Variants in FSHR observed in about 807,000 individuals in gnomAD.
FSHR encodes the protein follicle stimulating hormone receptor.
Under a neutral mutation model 52.1 loss-of-function variants are expected in FSHR, and 46 were observed. That is an observed-to-expected ratio of 0.88 (90% confidence interval 0.70 to 1.13). The LOEUF is 1.13. FSHR is among the 50% of genes most tolerant of loss of function. FSHR has a pLI of 0.00. For missense variants in FSHR, 964 were observed against 834.6 expected (o/e 1.16, Z -1.91); for synonymous variants, 399 against 309.6 (o/e 1.29, Z -3.03).
intron 4 of FSHR, among the ~76,000 whole-genome samples, chr2:49,010,953 A>G (rs1370491805): frequency 2.0e-5 from 3 of 151,526 alleles, no homozygotes; most frequent in South Asian, 4.2e-4. Context: ...TGGTCTATCA[A>G]TTTTGTTGAT....
intron 1 of FSHR, among the ~76,000 whole-genome samples, chr2:49,127,610 C>A (rs919341816): frequency 1.3e-5 from 2 of 151,958 alleles, no homozygotes; most frequent in Non-Finnish European, 2.9e-5. Context: ...GGTCTACTGA[C>A]ATCCGCACGA....
intron 4 of FSHR, among the ~76,000 whole-genome samples, chr2:49,010,626 T>C (rs1437184729): frequency 6.6e-6 from 1 of 151,142 alleles, no homozygotes; most frequent in Admixed American, 6.6e-5. Context: ...CTTGTACCTC[T>C]GGTAGAATTC....
intron 4 of FSHR, among the ~76,000 whole-genome samples, chr2:48,998,118 A>G (rs545736449): frequency 1.3e-5 from 2 of 152,238 alleles, no homozygotes; most frequent in South Asian, 4.1e-4. Flanking sequence ...TAAATTAAAG[A>G]TGACTTATAC....
intron 1 of FSHR, among the ~76,000 whole-genome samples, chr2:49,098,564 A>T (rs1670910393): frequency 6.6e-6 from 1 of 151,820 alleles, no homozygotes; most frequent in African/African-American, 2.4e-5. Flanking sequence ...AAAGATAGGT[A>T]CCAGATTTTG....
intron 1 of FSHR, among the ~76,000 whole-genome samples, chr2:49,135,689 C>T (rs911576448): frequency 3.3e-5 from 5 of 152,078 alleles, no homozygotes. Context: ...ACTTCGAATC[C>T]TCTAAAACTT....
At chr2:49,005,973 A>T (rs1243580753) in intron 4 of FSHR, among the ~76,000 whole-genome samples, 1 of 152,110 alleles carries the variant, frequency 6.6e-6, no homozygotes, top group Non-Finnish European at 1.5e-5. Flanking sequence ...CAGACTATAA[A>T]GCAGGCAGAA....
intron 2 of FSHR, among the ~76,000 whole-genome samples, chr2:49,049,073 A>T (rs953353955): frequency 6.6e-6 from 1 of 152,196 alleles, no homozygotes. Flanking sequence ...TATTAAAAAA[A>T]AAAGCTAGAA....
intron 3 of FSHR, 25 bp from the exon 4 acceptor site, chr2:49,017,588 AGTGATCTTGAT>A: frequency 6.5e-7 from 1 of 1,539,408 alleles, no homozygotes; most frequent in Non-Finnish European, 9.0e-7. Flanking sequence ...AAAACATGCT[AGTGATCTTGAT>A]GGTAAGGAAT....
intron 1 of FSHR, among the ~76,000 whole-genome samples, chr2:49,135,881 A>G (rs953557607): frequency 6.6e-6 from 1 of 152,184 alleles, no homozygotes; most frequent in Non-Finnish European, 1.5e-5. Context: ...ATGGATCATC[A>G]TAAAGGTCTT....
At chr2:49,012,621 TCTC>T (rs1667314404) in intron 4 of FSHR, among the ~76,000 whole-genome samples, 1 of 152,228 alleles carries the variant, frequency 6.6e-6, no homozygotes, top group South Asian at 2.1e-4. Context: ...CCCCTTGTAA[TCTC>T]CTGCTTCAGT....
intron 1 of FSHR, among the ~76,000 whole-genome samples, chr2:49,148,575 T>C (rs955412234): frequency 1.3e-5 from 2 of 151,850 alleles, no homozygotes; most frequent in African/African-American, 4.8e-5. Flanking sequence ...GTTGAGGAAA[T>C]AAGACACACA....
At chr2:49,108,061 T>A (rs1453356783) in intron 1 of FSHR, among the ~76,000 whole-genome samples, 1 of 152,102 alleles carries the variant, frequency 6.6e-6, no homozygotes, top group African/African-American at 2.4e-5. Context: ...TAGATTGCCT[T>A]CTCTAACGTG....
Position 48,985,697 on chromosome 2 carries a change from G to GTTTTT in FSHR, c.525-2536_525-2532dup, listed in dbSNP as rs70946839. 3.1e-4 allele frequency among the ~76,000 whole-genome samples: 31 copies of GTTTTT among 99,576 alleles called. 9 individuals carry two copies. The highest frequency in any genetic ancestry group is 1.0e-3 in the South Asian group (3 of 2,874). 65.3% of individuals were successfully genotyped at this position (99,576 alleles called of 152,430 possible). A position where few individuals can be genotyped will look rare whatever the true frequency, so the allele number is the denominator to read the frequency against. On this transcript the variant is annotated intron_variant, in intron 6 of 9. Coordinates refer to ENST00000406846, the MANE Select transcript of FSHR (RefSeq NM_000145.4). ...TTCAGTTTCAGGGGAGCAAGTACAG[G>GTTTTT]TTTTTTTTTTTTTTTTTTTTTTTTT...
intron 4 of FSHR, among the ~76,000 whole-genome samples, chr2:49,013,099 C>G (rs1431699671): frequency 1.3e-5 from 2 of 151,376 alleles, no homozygotes; most frequent in Non-Finnish European, 2.9e-5. Context: ...CTCTCTCTCC[C>G]TCTCTCTCTC....
intron 4 of FSHR, among the ~76,000 whole-genome samples, chr2:48,996,583 T>C (rs1339585756): frequency 6.6e-6 from 1 of 152,144 alleles, no homozygotes; most frequent in Non-Finnish European, 1.5e-5. Context: ...CATATATTTT[T>C]GGCCATTTTA....
At chr2:48,972,695 T>A (rs1171226269) in intron 8 of FSHR, among the ~76,000 whole-genome samples, 1 of 152,170 alleles carries the variant, frequency 6.6e-6, no homozygotes, top group East Asian at 1.9e-4. Context: ...CTATAACAAT[T>A]CAGGACTCCC....
chr2:48,963,326 C>T lies in FSHR; in HGVS notation c.1495G>A (p.Ala499Thr), dbSNP rs1490947870. The change falls in exon 10 of 10, where the codon GCA (alanine) becomes ACA (threonine). Residue 499 changes from alanine (A) to threonine (T), a missense_variant. Transcript: ENST00000406846. ...CCAAAGATGGGAAAGAGGGCAGCTG[C>T]AAAAGCAAAAATCCAGCCCATCACC... ...VMVMGWIFAF[A>T]AALFPIFGIS... is the part of the protein sequence containing the mutation. 1 of 1,613,958 alleles carries T rather than the reference C, an allele frequency of 6.2e-7. No homozygotes were observed. Among genetic ancestry groups the T allele is most frequent in the Non-Finnish European group, 8.5e-7 (1 of 1,179,958 alleles).
At chr2:48,976,362 T>C (rs1409560090) in intron 8 of FSHR, among the ~76,000 whole-genome samples, 1 of 152,210 alleles carries the variant, frequency 6.6e-6, no homozygotes, top group African/African-American at 2.4e-5. Context: ...GATAAGCTTT[T>C]TGATGTGCTG....
Position 49,095,030 on chromosome 2 carries a change from A to G in FSHR, c.153-26740T>C, listed in dbSNP as rs183466103. ...GTAGTATTGTATGCCAACAAACTAG[A>G]TAACCTAGATGAAATGGACAAATTC... On this transcript the variant is annotated intron_variant, in intron 1 of 9. Transcript: ENST00000406846. Among the ~76,000 whole-genome samples the G allele has an allele frequency of 6.6e-4, 100 of 152,256 alleles. 1 individual carries two copies. The highest frequency in any genetic ancestry group is 6.8e-3 in the Middle Eastern group (2 of 294).
Sources: allele counts gnomAD v4.1 joint callset (sites outside exome capture counted in the v4.1 genomes callset), GRCh38; gene constraint gnomAD v4.1.1; transcripts MANE v1.5; gene names NCBI Gene and HGNC (gene_info 2026-07-23, HGNC 2026-07-21).